Variants in ABCA12 observed in about 807,000 individuals in gnomAD.
ABCA12 encodes glucosylceramide transporter ABCA12.
Under a neutral mutation model 293.5 loss-of-function variants are expected in ABCA12, and 156 were observed. The ratio of observed to expected loss-of-function variants is 0.53; its 90% confidence interval spans 0.47 to 0.61. ABCA12 has a LOEUF of 0.61. Among genes scored for constraint, ABCA12 ranks in the 20% least tolerant of loss-of-function variants. ABCA12 has a pLI of 0.00. For missense variants in ABCA12, 2,797 were observed against 3,090.2 expected (o/e 0.91, Z 2.25); for synonymous variants, 1,063 against 1,108.0 (o/e 0.96, Z 0.81).
chr2:215,047,836 T>G (rs1701233228), intron 6 of ABCA12, among the ~76,000 whole-genome samples: 1 of 152,068 alleles, frequency 6.6e-6, no homozygotes, highest in Non-Finnish European at 1.5e-5. Context: ...CTAATTAAAC[T>G]TAACAGCTTC....
rs1210425227 is a variant in ABCA12, at chr2:214,958,210, A to G, written c.6117+67T>C. ...AAACTAGAGTAAATAACTCTTGAAT[A>G]GAAAACTGATGTCTTCTATCCAAAT... On this transcript the variant is annotated intron_variant, in intron 41 of 52. Transcript: ENST00000272895. 1.9e-6 allele frequency: 3 copies of G among 1,590,900 alleles called. No individual in the cohort carries two copies. The Admixed American group carries it at 5.0e-5, about 27-fold the overall frequency.
At chr2:215,065,630 A>G (rs919651847) in intron 2 of ABCA12, among the ~76,000 whole-genome samples, 1 of 152,024 alleles carries the variant, frequency 6.6e-6, no homozygotes, top group African/African-American at 2.4e-5. Flanking sequence ...AAGTCAAGGA[A>G]TATGGGGAGC....
At chr2:215,035,597 G>A (rs1266117684) in intron 8 of ABCA12, among the ~76,000 whole-genome samples, 1 of 151,128 alleles carries the variant, frequency 6.6e-6, no homozygotes, top group Non-Finnish European at 1.5e-5. Flanking sequence ...CCTGGGAAGC[G>A]GAGGTTACGG....
chr2:214,949,240 T>C, intron 45 of ABCA12, 91 bp from the exon 46 acceptor site: 2 of 901,762 alleles, frequency 2.2e-6, no homozygotes, highest in Non-Finnish European at 3.7e-6. Flanking sequence ...CTGGGTGAAA[T>C]AAATTACCGA....
intron 6 of ABCA12, among the ~76,000 whole-genome samples, chr2:215,046,695 T>C (rs1431491772): frequency 1.3e-5 from 2 of 151,938 alleles, no homozygotes; most frequent in African/African-American, 2.4e-5. Context: ...ATTATAACTG[T>C]ATTTTTTTGT....
At chr2:215,029,070 T>A (rs980887342) in intron 9 of ABCA12, 1 of 152,190 alleles carries the variant, frequency 6.6e-6, no homozygotes, top group Non-Finnish European at 1.5e-5. Flanking sequence ...GAGGGTAGAA[T>A]AATCCATCTA....
At chr2:215,025,492 C>T (rs954973128) in intron 11 of ABCA12, 181 bp downstream of exon 11, 25 of 556,894 alleles carry the variant, frequency 4.5e-5, no homozygotes, top group African/African-American at 4.0e-4. Flanking sequence ...TTTCTAGAGT[C>T]GTAAGTAGGG....
chr2:214,939,035 G>A (rs539468539), intron 50 of ABCA12, among the ~76,000 whole-genome samples: 7 of 152,206 alleles, frequency 4.6e-5, no homozygotes, highest in East Asian at 3.9e-4. Context: ...CTTTGCCCAC[G>A]CCTGTGTCTT....
chr2:215,093,373 G>C (rs111275314), intron 2 of ABCA12, among the ~76,000 whole-genome samples: 2,354 of 152,176 alleles, frequency 0.015, 60 homozygotes, highest in African/African-American at 0.053. Flanking sequence ...AAACCTGGCT[G>C]ACCCCATAAA....
At chr2:214,978,170 A>T (rs565159552) in intron 33 of ABCA12, 146 bp downstream of exon 33, 12 of 933,506 alleles carry the variant, frequency 1.3e-5, no homozygotes, top group East Asian at 7.9e-5. Context: ...TTATATCTTA[A>T]AAAAGGAGGC....
Position 215,019,684 on chromosome 2 carries a change from C to T in ABCA12, c.1400G>A (p.Ser467Asn). Residue 467 changes from serine to asparagine, a missense_variant, in exon 12 of 53, where the codon AGT becomes AAT. By Grantham distance (46) the Ser-to-Asn change is conservative. Transcript: ENST00000272895. ...TTCGAGGAGTTGCAGATCAAACTCA[C>T]TTTCTTCACACAGGCTCCCAAAGCT... ...DMSFGSLCEE[S>N]EFDLQLLEAA... 1 of 1,614,180 alleles carries T rather than the reference C, an allele frequency of 6.2e-7. No homozygotes were observed. Among genetic ancestry groups the T allele is most frequent in the Non-Finnish European group, 8.5e-7 (1 of 1,180,024 alleles).
At chr2:214,974,966 T>G in intron 34 of ABCA12, 102 bp from the exon 35 acceptor site, 2 of 1,077,864 alleles carry the variant, frequency 1.9e-6, no homozygotes, top group Non-Finnish European at 2.8e-6. Context: ...TAGAAGGGTT[T>G]TCTTTTTCTT....
chr2:215,025,763 C>A lies in ABCA12; in HGVS notation c.1197G>T (p.Leu399=). The part of the protein sequence containing the change: ...ARGSPENLRL[L]QSTIRFKKSF... ...ATTTTTTAAATCGTATTGTGGACTG[C>A]AGGAGTCTTAGATTTTCTGTAAAGG... The change falls in exon 11 of 53, where the codon CTG becomes CTT. Residue 399 remains leucine (L), a synonymous_variant. Transcript: ENST00000272895. The A allele has an allele frequency of 1.9e-6, 3 of 1,611,786 alleles. No homozygotes were observed. Among genetic ancestry groups the A allele is most frequent in the Non-Finnish European group, 2.5e-6 (3 of 1,178,496 alleles).
intron 2 of ABCA12, among the ~76,000 whole-genome samples, chr2:215,085,144 A>AAAATGAGT (rs1447031975): frequency 6.6e-6 from 1 of 152,072 alleles, no homozygotes. Flanking sequence ...ATTGTTGACT[A>AAAATGAGT]AAATGAGTGA....
At chr2:214,947,658 A>T in intron 47 of ABCA12, 102 bp from the exon 48 acceptor site, 1 of 1,325,940 alleles carries the variant, frequency 7.5e-7, no homozygotes, top group South Asian at 1.3e-5. Flanking sequence ...AAATGTTATC[A>T]TGGAGAATAT....
chr2:214,956,825 C>CAA (rs373508320), intron 41 of ABCA12, 47 bp from the exon 42 acceptor site: 199 of 1,021,038 alleles, frequency 1.9e-4, no homozygotes, highest in African/African-American at 4.3e-4. Context: ...AAGCATTTTT[C>CAA]AAAAAAAAAA....
chr2:215,103,328 G>A (rs916263952), intron 2 of ABCA12, among the ~76,000 whole-genome samples: 26 of 143,840 alleles, frequency 1.8e-4, no homozygotes, highest in African/African-American at 7.0e-4. Flanking sequence ...GAGTGCAATG[G>A]TGTGATCTCA....
intron 1 of ABCA12, among the ~76,000 whole-genome samples, chr2:215,114,105 G>T (rs1260407142): frequency 6.6e-6 from 1 of 152,106 alleles, no homozygotes; most frequent in Non-Finnish European, 1.5e-5. Flanking sequence ...CTCCAGAGTA[G>T]CTGGGACTAC....
At chr2:215,134,611 A>C (rs1212822282) in intron 1 of ABCA12, among the ~76,000 whole-genome samples, 12 of 100,194 alleles carry the variant, frequency 1.2e-4, no homozygotes, top group Non-Finnish European at 2.1e-4. Flanking sequence ...ATATATATAT[A>C]TATATAGAGA....
Sources: gnomAD v4.1 joint callset for allele counts (sites outside exome capture counted in the v4.1 genomes callset) on GRCh38, gnomAD v4.1.1 for gene constraint, MANE v1.5 for transcripts, NCBI Gene and HGNC (gene_info 2026-07-23, HGNC 2026-07-21) for gene names.